Variants in SYNDIG1L observed in about 807,000 individuals in gnomAD.
SYNDIG1L encodes the protein synapse differentiation-inducing gene protein 1-like.
A neutral mutation model predicts 20.1 loss-of-function variants in SYNDIG1L; 13 were observed. That is an observed-to-expected ratio of 0.65 (90% CI 0.42 to 1.03). The LOEUF is 1.03. Ranked by LOEUF, SYNDIG1L falls within the 50% of genes least tolerant of loss-of-function variation. The pLI, the probability that SYNDIG1L is intolerant of heterozygous loss-of-function variation, is 0.00. For missense variants in SYNDIG1L, 294 were observed against 305.1 expected, an observed-to-expected ratio of 0.96 and a Z score of 0.27; for synonymous variants, 128 against 129.3, an observed-to-expected ratio of 0.99 and a Z score of 0.07.
At chr14:74,431,793 G>A in the SYNDIG1L span, among the ~76,000 whole-genome samples, 5 of 152,194 alleles carry the variant, frequency 3.3e-5, no homozygotes, top group African/African-American at 4.8e-5. Context: ...CAGATGGAAT[G>A]TGATGGTGCA....
intron 3 of SYNDIG1L, 54 bp from the exon 4 acceptor site, chr14:74,407,747 G>A (rs2086094813): frequency 1.3e-6 from 2 of 1,574,384 alleles, no homozygotes; most frequent in Non-Finnish European, 8.6e-7. Context: ...CAGCCAAACA[G>A]CCCAGCCTGC....
At chr14:74,408,578 A>G (rs897250550) in intron 2 of SYNDIG1L, among the ~76,000 whole-genome samples, 1 of 151,964 alleles carries the variant, frequency 6.6e-6, no homozygotes, top group South Asian at 2.1e-4. Context: ...AAAAAAAAAA[A>G]AAAGAAACAC....
At position 74,409,549 on chromosome 14, in the gene SYNDIG1L, C is replaced by T. The variant is rs1223124675; in HGVS notation, c.196G>A (p.Ala66Thr). ...DPGSLQLAVEAWYRPSCLLGR... is the reference protein window; with the variant it reads ...DPGSLQLAVETWYRPSCLLGR... ...AGGAGGCAGCTGGGCCGGTACCAGGCCTCCACGGCCAGCTGCAGGGACCCT... is the reference window on the plus strand; with the variant it reads ...AGGAGGCAGCTGGGCCGGTACCAGGTCTCCACGGCCAGCTGCAGGGACCCT... Residue 66 changes from alanine to threonine, a missense_variant, in exon 2 of 4, where the codon GCC (alanine) becomes ACC (threonine). By Grantham distance (58) the Ala-to-Thr change is moderately conservative. Transcript: ENST00000331628. The T allele has an allele frequency of 1.3e-6, 2 of 1,547,254 alleles. No individual in the cohort carries two copies. The highest frequency in any genetic ancestry group is 1.7e-6 in the Non-Finnish European group (2 of 1,147,802).
chr14:74,412,504 T>C (rs976494732), intron 1 of SYNDIG1L, among the ~76,000 whole-genome samples: 1 of 152,170 alleles, frequency 6.6e-6, no homozygotes, highest in South Asian at 2.1e-4. Flanking sequence ...CAATCAACTG[T>C]AGCACTAACA....
intron 1 of SYNDIG1L, among the ~76,000 whole-genome samples, chr14:74,420,153 T>A (rs1442355561): frequency 6.6e-6 from 1 of 151,756 alleles, no homozygotes; most frequent in Admixed American, 6.6e-5. Context: ...TCCCAGCACT[T>A]TGGAAGGTCG....
chr14:74,462,617 T>A, the SYNDIG1L span, among the ~76,000 whole-genome samples: 236 of 152,180 alleles, frequency 1.6e-3, no homozygotes, highest in African/African-American at 5.5e-3. Flanking sequence ...GTGATCCTCC[T>A]GCCTCAGCTT....
the SYNDIG1L span, among the ~76,000 whole-genome samples, chr14:74,473,456 T>C: frequency 6.6e-6 from 1 of 152,220 alleles, no homozygotes; most frequent in South Asian, 2.1e-4. Flanking sequence ...GAATGATGGA[T>C]AAATAAAGAC....
At chr14:74,432,224 A>G in the SYNDIG1L span, among the ~76,000 whole-genome samples, 1 of 150,936 alleles carries the variant, frequency 6.6e-6, no homozygotes, top group East Asian at 2.0e-4. Flanking sequence ...GGATAAGCCA[A>G]TGAGGCCACA....
chr14:74,452,816 A>G, the SYNDIG1L span, among the ~76,000 whole-genome samples: 1 of 152,314 alleles, frequency 6.6e-6, no homozygotes, highest in African/African-American at 2.4e-5. Context: ...CATAGCCAAA[A>G]ACTAGAAACA....
the SYNDIG1L span, among the ~76,000 whole-genome samples, chr14:74,457,191 C>A: frequency 6.6e-6 from 1 of 152,042 alleles, no homozygotes; most frequent in African/African-American, 2.4e-5. Flanking sequence ...TGGGTCGATG[C>A]CCTCTCCTGC....
chr14:74,446,625 T>TC, the SYNDIG1L span, among the ~76,000 whole-genome samples: 2 of 151,806 alleles, frequency 1.3e-5, no homozygotes, highest in African/African-American at 4.8e-5. Flanking sequence ...CTTTTTTTTT[T>TC]TTTTTCTTTT....
chr14:74,478,780 G>A, the SYNDIG1L span, among the ~76,000 whole-genome samples: 103 of 152,296 alleles, frequency 6.8e-4, no homozygotes, highest in African/African-American at 1.4e-3. Context: ...AAAGAAGAAT[G>A]TCTGTCTCCC....
chr14:74,452,267 A>G, the SYNDIG1L span, among the ~76,000 whole-genome samples: 2 of 152,150 alleles, frequency 1.3e-5, no homozygotes, highest in African/African-American at 2.4e-5. Context: ...AACCTCATAC[A>G]CTATTGGTGG....
chr14:74,407,707 C>T lies in SYNDIG1L; in HGVS notation c.559-14G>A, dbSNP rs1566580477. The T allele has an allele frequency of 6.3e-7, 1 of 1,592,964 alleles. No homozygotes were observed. The highest frequency in any genetic ancestry group is 1.3e-5 in the African/African-American group (1 of 74,778). ...GGCCTTGCTGGTCTAGGGAGAGAGACATGCTGATGAACAGGAGTGTCCCCA... is the reference window on the plus strand; with the variant it reads ...GGCCTTGCTGGTCTAGGGAGAGAGATATGCTGATGAACAGGAGTGTCCCCA... On this transcript the variant is annotated splice_polypyrimidine_tract_variant and intron_variant, in intron 3 of 3. Coordinates refer to ENST00000331628, the MANE Select transcript of SYNDIG1L (RefSeq NM_001105579.2).
At chr14:74,450,007 A>G in the SYNDIG1L span, among the ~76,000 whole-genome samples, 6 of 152,298 alleles carry the variant, frequency 3.9e-5, no homozygotes, top group African/African-American at 1.4e-4. Flanking sequence ...GAAGACACAA[A>G]TTGCTAACAT....
chr14:74,413,885 T>G (rs1246979305), intron 1 of SYNDIG1L, among the ~76,000 whole-genome samples: 1 of 151,996 alleles, frequency 6.6e-6, no homozygotes, highest in Non-Finnish European at 1.5e-5. Context: ...CAGCCAAGGG[T>G]CATGGTTCTC....
At chr14:74,419,614 C>G (rs2086205411) in intron 1 of SYNDIG1L, among the ~76,000 whole-genome samples, 1 of 152,178 alleles carries the variant, frequency 6.6e-6, no homozygotes, top group Admixed American at 6.6e-5. Flanking sequence ...GGGTAGAAAA[C>G]ACAGACTAGC....
the SYNDIG1L span, among the ~76,000 whole-genome samples, chr14:74,458,783 T>C: frequency 6.6e-6 from 1 of 152,100 alleles, no homozygotes; most frequent in African/African-American, 2.4e-5. Flanking sequence ...CACCTTGACA[T>C]GACTGCTGTG....
chr14:74,437,167 C>G, the SYNDIG1L span, among the ~76,000 whole-genome samples: 1 of 152,178 alleles, frequency 6.6e-6, no homozygotes, highest in African/African-American at 2.4e-5. Context: ...CATATAAGCT[C>G]TAAGGCCCTT....
Sources: gnomAD v4.1 joint callset for allele counts (sites outside exome capture counted in the v4.1 genomes callset) on GRCh38, gnomAD v4.1.1 for gene constraint, MANE v1.5 for transcripts, NCBI Gene and HGNC (gene_info 2026-07-23, HGNC 2026-07-21) for gene names.